The following TMTC3 variants were observed in gnomAD, a reference collection of about 807,000 sequenced individuals.
TMTC3 encodes protein O-mannosyl-transferase TMTC3.
In TMTC3, 52 loss-of-function variants were observed where a neutral mutation model predicts 92.2. That is an observed-to-expected ratio of 0.56 (90% confidence interval 0.45 to 0.71). TMTC3 has a LOEUF of 0.71. TMTC3 is among the 30% of genes least tolerant of loss of function. The probability of loss-of-function intolerance (pLI) is 0.00; values close to 1 mark genes in which losing one functional copy is unlikely to be tolerated. For synonymous variants in TMTC3, 339 were observed against 363.3 expected (o/e 0.93, Z 0.76); for missense variants, 896 against 1,057.1 (o/e 0.85, Z 2.11).
rs116219119 is a variant in TMTC3, at chr12:88,177,712, G to A, written c.1432+1393G>A. On this transcript the variant is annotated intron_variant, in intron 10 of 13. Transcript: ENST00000266712. ...ATGCCATCATTATTTTCCATTCAGAGTGATGACCAAAAAGAAACCCCTGCA... is the reference window on the plus strand; with the variant it reads ...ATGCCATCATTATTTTCCATTCAGAATGATGACCAAAAAGAAACCCCTGCA... Among the ~76,000 whole-genome samples the A allele has an allele frequency of 5.5e-3, 832 of 152,262 alleles. 14 individuals are homozygous for A. The highest frequency in any genetic ancestry group is 0.019 in the African/African-American group (778 of 41,544).
chr12:88,150,239 A>G (rs184366400), intron 2 of TMTC3, among the ~76,000 whole-genome samples: 1 of 152,314 alleles, frequency 6.6e-6, no homozygotes, highest in Admixed American at 6.5e-5. Context: ...AGCAGGAGCA[A>G]GAGGAGTACG....
chr12:88,178,551 A>AAATTTATTTAAAATATT (rs2041283808), intron 10 of TMTC3, among the ~76,000 whole-genome samples: 1 of 152,022 alleles, frequency 6.6e-6, no homozygotes, highest in Admixed American at 6.5e-5. Context: ...ATTTAAATAC[A>AAATTTATTTAAAATATT]AATTTATTTA....
At chr12:88,168,144 C>T (rs950455748) in intron 7 of TMTC3, among the ~76,000 whole-genome samples, 1 of 152,076 alleles carries the variant, frequency 6.6e-6, no homozygotes, top group South Asian at 2.1e-4. Flanking sequence ...GAAGACATAT[C>T]GAATGAAGAG....
intron 7 of TMTC3, among the ~76,000 whole-genome samples, chr12:88,170,487 A>T (rs186518029): frequency 6.6e-6 from 1 of 152,154 alleles, no homozygotes; most frequent in Non-Finnish European, 1.5e-5. Flanking sequence ...TTGATTTAAA[A>T]AAACTGAAGT....
chr12:88,184,104 C>T (rs1397357272), intron 10 of TMTC3, among the ~76,000 whole-genome samples: 1 of 152,094 alleles, frequency 6.6e-6, no homozygotes, highest in Non-Finnish European at 1.5e-5. Flanking sequence ...AGGAATTTTG[C>T]GTGACAGCGT....
Position 88,153,492 on chromosome 12 carries a change from C to A in TMTC3, c.391C>A (p.Pro131Thr). The A allele has an allele frequency of 1.2e-6, 2 of 1,605,698 alleles. No individual in the cohort carries two copies. Among genetic ancestry groups the A allele is most frequent in the Non-Finnish European group, 1.7e-6 (2 of 1,174,330 alleles). Residue 131 changes from proline to threonine, a missense_variant, in exon 3 of 14, where the codon CCA (proline) becomes ACA (threonine). Pro to Thr is a conservative substitution (Grantham distance 38). Transcript: ENST00000266712. ...TGCTTCTTTACTTTTTGCAGTGCAC[C>A]CAATACACACAGAAGCAGTAAGTAA... ...VIASLLFAVHPIHTEAVTGVV... is the reference protein window; with the variant it reads ...VIASLLFAVHTIHTEAVTGVV...
At chr12:88,164,432 T>G (rs1234605175) in intron 6 of TMTC3, among the ~76,000 whole-genome samples, 3 of 152,034 alleles carry the variant, frequency 2.0e-5, no homozygotes, top group Non-Finnish European at 2.9e-5. Flanking sequence ...ACTAAACTCT[T>G]TCCAGAAAAA....
intron 4 of TMTC3, among the ~76,000 whole-genome samples, chr12:88,157,375 T>A (rs2138375806): frequency 6.6e-6 from 1 of 151,850 alleles, no homozygotes; most frequent in South Asian, 2.1e-4. Flanking sequence ...TTCTTTATAT[T>A]CATTTTAACT....
chr12:88,154,010 A>G (rs2040976244), intron 3 of TMTC3, among the ~76,000 whole-genome samples: 1 of 152,192 alleles, frequency 6.6e-6, no homozygotes, highest in South Asian at 2.1e-4. Context: ...AGCTGGATAA[A>G]GAGTACGCAA....
At position 88,160,728 on chromosome 12, in the gene TMTC3, A is replaced by T; in HGVS notation, c.674A>T (p.Lys225Met). ...CTTAGQFLRG[K>M]GSIPFSMLQT... is the part of the protein sequence containing the mutation. Reference sequence around the variant, plus strand: ...ACTGCTGGACAGTTTCTCCGTGGAAAGGGTAGCATTCCATTTTCTATGCTG... The same window carrying T: ...ACTGCTGGACAGTTTCTCCGTGGAATGGGTAGCATTCCATTTTCTATGCTG... The change falls in exon 6 of 14, where the codon AAG (lysine) becomes ATG (methionine). Residue 225 changes from lysine (K) to methionine (M), a missense_variant. Physicochemically the swap from Lys to Met is moderately conservative, Grantham distance 95. Coordinates refer to ENST00000266712, the MANE Select transcript of TMTC3 (RefSeq NM_181783.4). The T allele has an allele frequency of 6.2e-7, 1 of 1,613,652 alleles. No homozygotes were observed. The highest frequency in any genetic ancestry group is 8.5e-7 in the Non-Finnish European group (1 of 1,179,766).
At chr12:88,172,133 T>G (rs2041211597) in intron 7 of TMTC3, among the ~76,000 whole-genome samples, 1 of 152,152 alleles carries the variant, frequency 6.6e-6, no homozygotes, top group African/African-American at 2.4e-5. Context: ...TATTGTTTAA[T>G]TTTTGCTTAA....
intron 10 of TMTC3, among the ~76,000 whole-genome samples, chr12:88,179,513 A>G (rs1372352721): frequency 6.6e-6 from 1 of 152,198 alleles, no homozygotes; most frequent in Non-Finnish European, 1.5e-5. Context: ...TGTATATTCA[A>G]TAAATATGAG....
intron 13 of TMTC3, 28 bp from the exon 14 acceptor site, chr12:88,194,810 A>G (rs952360662): frequency 1.2e-5 from 17 of 1,380,362 alleles, no homozygotes; most frequent in African/African-American, 1.5e-5. Context: ...TATTAACAAT[A>G]TATTTTTTCT....
chr12:88,192,937 T>G lies in TMTC3; in HGVS notation c.1933+107T>G. The G allele has an allele frequency of 1.4e-5, 12 of 860,224 alleles. No individual in the cohort carries two copies. The South Asian group carries it at 2.2e-4, about 16-fold the overall frequency. 53.3% of individuals were successfully genotyped at this position (860,224 alleles called of 1,614,324 possible). A position where few individuals can be genotyped will look rare whatever the true frequency, so the allele number is the denominator to read the frequency against. On this transcript the variant is annotated intron_variant, in intron 13 of 13. Transcript: ENST00000266712. ...AGCAAACACTTTATGTATTGACAGT[T>G]TATAGCAATACTGTGCTTAACTGAT...
Position 88,160,665 on chromosome 12 carries a change from C to A in TMTC3, c.625-14C>A. ...TCGTTATTTGTTGCTTAAAACATTTCTTTTCTTTTTCAGTATACTTTGCCA... is the reference window on the plus strand; with the variant it reads ...TCGTTATTTGTTGCTTAAAACATTTATTTTCTTTTTCAGTATACTTTGCCA... On this transcript the variant is annotated splice_polypyrimidine_tract_variant and intron_variant, in intron 5 of 13. Coordinates refer to ENST00000266712, the MANE Select transcript of TMTC3 (RefSeq NM_181783.4). The A allele has an allele frequency of 6.2e-7, 1 of 1,609,856 alleles. No individual in the cohort carries two copies. Among genetic ancestry groups the A allele is most frequent in the Non-Finnish European group, 8.5e-7 (1 of 1,178,246 alleles).
At chr12:88,193,484 ATTTC>A (rs2041467058) in intron 13 of TMTC3, among the ~76,000 whole-genome samples, 2 of 152,176 alleles carry the variant, frequency 1.3e-5, no homozygotes, top group South Asian at 4.1e-4. Context: ...ATGTTTAGTT[ATTTC>A]TTAGATACAT....
chr12:88,181,884 A>C (rs1385197518), intron 10 of TMTC3, among the ~76,000 whole-genome samples: 1 of 150,678 alleles, frequency 6.6e-6, no homozygotes, highest in African/African-American at 2.5e-5. Context: ...AAAGCGTTAA[A>C]GCATTGGGTA....
At chr12:88,178,149 A>G (rs79783124) in intron 10 of TMTC3, among the ~76,000 whole-genome samples, 1,906 of 152,310 alleles carry the variant, frequency 0.013, 31 homozygotes, top group African/African-American at 0.043. Context: ...AAAGGATAGA[A>G]AAGAACACAG....
At chr12:88,160,941 GTTT>G in intron 6 of TMTC3, 90 bp downstream of exon 6, 1 of 1,314,890 alleles carries the variant, frequency 7.6e-7, no homozygotes, top group Non-Finnish European at 1.0e-6. Flanking sequence ...ATTTTATTTT[GTTT>G]TTTAACAGTT....
Sources: allele counts gnomAD v4.1 joint callset (sites outside exome capture counted in the v4.1 genomes callset), GRCh38; gene constraint gnomAD v4.1.1; transcripts MANE v1.5; gene names NCBI Gene and HGNC (gene_info 2026-07-23, HGNC 2026-07-21).